Variants in RNF11 observed in about 807,000 individuals in gnomAD.
RNF11 encodes ring finger protein 11.
A neutral mutation model predicts 15.8 loss-of-function variants in RNF11; 4 were observed. That is an observed-to-expected ratio of 0.25 (90% CI 0.12 to 0.58). The LOEUF (loss-of-function observed/expected upper bound fraction) is 0.58. RNF11 is among the 20% of genes least tolerant of loss of function. The pLI, the probability that RNF11 is intolerant of heterozygous loss-of-function variation, is 0.91. For synonymous variants in RNF11, 68 were observed against 72.3 expected (o/e 0.94, Z 0.30); for missense variants, 139 against 194.4 (o/e 0.71, Z 1.70).
At chr1:51,238,553 A>G (rs910458718) in intron 1 of RNF11, among the ~76,000 whole-genome samples, 1 of 152,158 alleles carries the variant, frequency 6.6e-6, no homozygotes, top group African/African-American at 2.4e-5. Context: ...TGAATTTAGT[A>G]TTTTCTGTAT....
At chr1:51,241,595 G>A (rs1251036497) in intron 1 of RNF11, among the ~76,000 whole-genome samples, 2 of 152,194 alleles carry the variant, frequency 1.3e-5, no homozygotes, top group Non-Finnish European at 2.9e-5. Flanking sequence ...ACTTGGGGGA[G>A]AAAAAGAAAG....
intron 1 of RNF11, among the ~76,000 whole-genome samples, chr1:51,240,811 A>G (rs1038119905): frequency 2.0e-5 from 3 of 150,172 alleles, no homozygotes; most frequent in Non-Finnish European, 4.4e-5. Context: ...CTCTCTCTGT[A>G]TATATATGTT....
intron 1 of RNF11, among the ~76,000 whole-genome samples, chr1:51,257,179 G>A (rs1646907640): frequency 6.6e-6 from 1 of 152,220 alleles, no homozygotes; most frequent in Non-Finnish European, 1.5e-5. Context: ...AGGGGCTGGA[G>A]TTGGGTAGTT....
At chr1:51,237,779 A>G (rs1453263523) in intron 1 of RNF11, among the ~76,000 whole-genome samples, 2 of 152,156 alleles carry the variant, frequency 1.3e-5, no homozygotes, top group Admixed American at 1.3e-4. Context: ...TTTCCATTTT[A>G]GATGATATTG....
chr1:51,249,366 G>A (rs1646866842), intron 1 of RNF11, among the ~76,000 whole-genome samples: 1 of 152,156 alleles, frequency 6.6e-6, no homozygotes. Flanking sequence ...AAAGCTCTGG[G>A]ATTACAGGTG....
At chr1:51,254,691 A>G (rs995332688) in intron 1 of RNF11, among the ~76,000 whole-genome samples, 1 of 152,106 alleles carries the variant, frequency 6.6e-6, no homozygotes, top group Non-Finnish European at 1.5e-5. Flanking sequence ...TCGAACTCCC[A>G]GACTCAAGTG....
Position 51,236,691 on chromosome 1 carries a change from C to CG in RNF11, c.-64dup. The CG allele has an allele frequency of 6.3e-7, 1 of 1,595,780 alleles. No individual in the cohort carries two copies. Among genetic ancestry groups the CG allele is most frequent in the Non-Finnish European group, 8.5e-7 (1 of 1,170,534 alleles). ...CCACCTCGCCAACCGAGGCGGACCGCGGAGTGTGCGAACGACCCCACCGCT... is the reference window on the plus strand; with the variant it reads ...CCACCTCGCCAACCGAGGCGGACCGCGGGAGTGTGCGAACGACCCCACCGCT... On this transcript the variant is annotated 5_prime_UTR_variant, in exon 1 of 3. Coordinates refer to ENST00000242719, the MANE Select transcript of RNF11 (RefSeq NM_014372.5).
At chr1:51,253,672 A>G (rs1219269417) in intron 1 of RNF11, among the ~76,000 whole-genome samples, 1 of 152,216 alleles carries the variant, frequency 6.6e-6, no homozygotes, top group African/African-American at 2.4e-5. Context: ...GTAAATGGAT[A>G]TAAAATACAC....
chr1:51,240,344 A>G (rs1646822853), intron 1 of RNF11, among the ~76,000 whole-genome samples: 1 of 151,620 alleles, frequency 6.6e-6, no homozygotes, highest in Non-Finnish European at 1.5e-5. Flanking sequence ...TGACTCCCTT[A>G]CCTCCTTCAA....
chr1:51,239,465 C>T (rs1646819281), intron 1 of RNF11, among the ~76,000 whole-genome samples: 1 of 152,160 alleles, frequency 6.6e-6, no homozygotes, highest in South Asian at 2.1e-4. Context: ...TAAAAAGAAA[C>T]TTTTGGAGAA....
intron 1 of RNF11, among the ~76,000 whole-genome samples, chr1:51,241,439 C>A (rs1214706555): frequency 6.6e-6 from 1 of 152,134 alleles, no homozygotes. Flanking sequence ...CCGTGTCTAG[C>A]TGTTGTAGAT....
chr1:51,261,252 G>A (rs1320068596), intron 1 of RNF11, among the ~76,000 whole-genome samples: 2 of 152,112 alleles, frequency 1.3e-5, no homozygotes, highest in Non-Finnish European at 2.9e-5. Flanking sequence ...ACTGCTTTCA[G>A]TGTGATTGAT....
chr1:51,246,712 G>GT (rs1267437877), intron 1 of RNF11, among the ~76,000 whole-genome samples: 1 of 152,194 alleles, frequency 6.6e-6, no homozygotes, highest in Non-Finnish European at 1.5e-5. Flanking sequence ...TATTTAGGCT[G>GT]TAAGTGGAGA....
At chr1:51,244,987 T>A (rs1447050658) in intron 1 of RNF11, among the ~76,000 whole-genome samples, 3 of 151,890 alleles carry the variant, frequency 2.0e-5, no homozygotes, top group African/African-American at 7.3e-5. Context: ...AAATATTTTT[T>A]AGGTAATAGT....
chr1:51,260,129 AC>A (rs1646923797), intron 1 of RNF11, among the ~76,000 whole-genome samples: 1 of 152,240 alleles, frequency 6.6e-6, no homozygotes, highest in African/African-American at 2.4e-5. Flanking sequence ...TTTTTAACAT[AC>A]GGATCCTGCA....
At chr1:51,238,832 C>T (rs1049931576) in intron 1 of RNF11, among the ~76,000 whole-genome samples, 2 of 152,060 alleles carry the variant, frequency 1.3e-5, no homozygotes, top group Non-Finnish European at 2.9e-5. Context: ...CGGGTTCTAG[C>T]GATTCTCCTG....
At chr1:51,255,429 T>C (rs1334461413) in intron 1 of RNF11, among the ~76,000 whole-genome samples, 4 of 152,178 alleles carry the variant, frequency 2.6e-5, no homozygotes, top group African/African-American at 9.7e-5. Flanking sequence ...CTGGCTAATT[T>C]TTGTCTTTTT....
At chr1:51,252,836 T>TGTGTGTGTGTGTGTGTGTGTGTG (rs1646886118) in intron 1 of RNF11, among the ~76,000 whole-genome samples, 2 of 151,422 alleles carry the variant, frequency 1.3e-5, no homozygotes, top group African/African-American at 4.9e-5. Context: ...TGTGTGTGTG[T>TGTGTGTGTGTGTGTGTGTGTGTG]TTGGGGGGGA....
intron 2 of RNF11, among the ~76,000 whole-genome samples, chr1:51,270,806 A>C (rs1235724105): frequency 2.0e-5 from 3 of 152,252 alleles, no homozygotes; most frequent in Non-Finnish European, 4.4e-5. Context: ...AAGTTGATCT[A>C]ACTGATGCTT....
Sources: allele counts gnomAD v4.1 joint callset (sites outside exome capture counted in the v4.1 genomes callset), GRCh38; gene constraint gnomAD v4.1.1; transcripts MANE v1.5; gene names NCBI Gene and HGNC (gene_info 2026-07-23, HGNC 2026-07-21).